Variants in LRP1B observed in about 807,000 individuals in gnomAD.
The protein encoded by LRP1B is low-density lipoprotein receptor-related protein 1B.
A neutral mutation model predicts 556.6 loss-of-function variants in LRP1B; 217 were observed. The ratio of observed to expected loss-of-function variants is 0.39; its 90% CI spans 0.35 to 0.44. LRP1B has a LOEUF of 0.44. Among genes scored for constraint, LRP1B ranks in the 20% least tolerant of loss-of-function variants. The pLI is 1.00. For synonymous variants in LRP1B, 2,047 were observed against 1,865.8 expected (o/e 1.10, Z -2.50); for missense variants, 5,053 against 5,620.8 (o/e 0.90, Z 3.23).
chr2:140,805,083 A>T (rs1690664880), intron 32 of LRP1B, among the ~76,000 whole-genome samples: 2 of 152,148 alleles, frequency 1.3e-5, no homozygotes, highest in Non-Finnish European at 2.9e-5. Flanking sequence ...TGTGTGCATA[A>T]CCAGATCAAC....
chr2:141,087,461 G>A (rs1030617612), intron 7 of LRP1B, among the ~76,000 whole-genome samples: 1 of 152,118 alleles, frequency 6.6e-6, no homozygotes, highest in African/African-American at 2.4e-5. Context: ...GCATTTTTAC[G>A]CAGATGGGGG....
intron 32 of LRP1B, among the ~76,000 whole-genome samples, chr2:140,778,823 T>C (rs895599717): frequency 6.6e-6 from 1 of 152,034 alleles, no homozygotes; most frequent in Admixed American, 6.6e-5. Context: ...ATCTCCTGAA[T>C]CAGATATGAA....
At chr2:142,109,985 G>A (rs891369808) in intron 1 of LRP1B, among the ~76,000 whole-genome samples, 1 of 152,116 alleles carries the variant, frequency 6.6e-6, no homozygotes, top group Admixed American at 6.6e-5. Context: ...AAGCTGTATA[G>A]AATGATATGT....
chr2:141,131,353 G>C (rs192486170), intron 7 of LRP1B, among the ~76,000 whole-genome samples: 2,090 of 145,426 alleles, frequency 0.014, 20 homozygotes, highest in Middle Eastern at 0.052. Context: ...AGTAAGGTTT[G>C]AGAATACAAA....
chr2:141,936,092 T>G (rs1700628412), intron 1 of LRP1B, among the ~76,000 whole-genome samples: 1 of 152,186 alleles, frequency 6.6e-6, no homozygotes, highest in Admixed American at 6.5e-5. Context: ...TAAAATTACC[T>G]ACAAGAAACT....
intron 37 of LRP1B, among the ~76,000 whole-genome samples, chr2:140,715,123 AAG>A (rs1180185092): frequency 3.9e-5 from 6 of 152,070 alleles, no homozygotes; most frequent in Admixed American, 6.6e-5. Context: ...TGAAAGGAAA[AAG>A]AGAGTAACAG....
chr2:140,715,261 A>T (rs1687167695), intron 37 of LRP1B, among the ~76,000 whole-genome samples: 1 of 152,074 alleles, frequency 6.6e-6, no homozygotes, highest in African/African-American at 2.4e-5. Flanking sequence ...ATATTAAAAA[A>T]AAATCACTCT....
At chr2:141,492,091 A>AAAAAAAAAAAAAAAAAAAAAAAC (rs67960557) in intron 2 of LRP1B, among the ~76,000 whole-genome samples, 2 of 100,194 alleles carry the variant, frequency 2.0e-5, no homozygotes, top group African/African-American at 3.9e-5. Flanking sequence ...AAAAAAAAAA[A>AAAAAAAAAAAAAAAAAAAAAAAC]CACTAAGAAA....
At chr2:141,470,817 A>G (rs1185831067) in intron 3 of LRP1B, among the ~76,000 whole-genome samples, 2 of 152,248 alleles carry the variant, frequency 1.3e-5, no homozygotes, top group African/African-American at 4.8e-5. Context: ...GAATAATATT[A>G]AAACAATGAT....
At chr2:141,535,309 T>C (rs1426979861) in intron 2 of LRP1B, among the ~76,000 whole-genome samples, 4 of 152,148 alleles carry the variant, frequency 2.6e-5, no homozygotes, top group Non-Finnish European at 5.9e-5. Context: ...TTCAACTTTT[T>C]ATGCACGTAA....
intron 3 of LRP1B, among the ~76,000 whole-genome samples, chr2:141,438,143 C>T (rs1680830573): frequency 6.6e-6 from 1 of 152,114 alleles, no homozygotes; most frequent in African/African-American, 2.4e-5. Context: ...TCTTTTCCTG[C>T]ATAGGATAAC....
intron 71 of LRP1B, among the ~76,000 whole-genome samples, chr2:140,366,250 C>T (rs1032046991): frequency 1.3e-5 from 2 of 151,756 alleles, no homozygotes; most frequent in East Asian, 3.9e-4. Flanking sequence ...AGGAAAACTC[C>T]TCAGGACCTG....
chr2:140,360,783 T>C (rs1682467425), intron 72 of LRP1B, among the ~76,000 whole-genome samples: 2 of 151,590 alleles, frequency 1.3e-5, no homozygotes, highest in Admixed American at 1.3e-4. Flanking sequence ...TTGTTTACAT[T>C]GGTGAATTTC....
intron 7 of LRP1B, among the ~76,000 whole-genome samples, chr2:141,096,828 A>C (rs1700335950): frequency 6.6e-6 from 1 of 152,202 alleles, no homozygotes; most frequent in South Asian, 2.1e-4. Flanking sequence ...CTTATGAAAT[A>C]AGACCTGTAA....
intron 1 of LRP1B, among the ~76,000 whole-genome samples, chr2:141,839,124 A>G (rs1697381535): frequency 6.6e-6 from 1 of 152,178 alleles, no homozygotes; most frequent in Non-Finnish European, 1.5e-5. Flanking sequence ...TGTTCTTCTT[A>G]CTGGATTTAA....
chr2:140,443,164 G>A (rs968272232), intron 65 of LRP1B, among the ~76,000 whole-genome samples: 3 of 152,088 alleles, frequency 2.0e-5, no homozygotes, highest in Non-Finnish European at 2.9e-5. Flanking sequence ...AGAATCAAGT[G>A]ATTCTCCTGC....
chr2:140,349,831 G>T (rs1417479539), intron 77 of LRP1B, among the ~76,000 whole-genome samples: 1 of 152,092 alleles, frequency 6.6e-6, no homozygotes, highest in Non-Finnish European at 1.5e-5. Context: ...TTACTCAAAG[G>T]TTTCATCTAA....
intron 1 of LRP1B, among the ~76,000 whole-genome samples, chr2:142,006,773 G>A (rs1055820222): frequency 8.5e-5 from 13 of 152,122 alleles, no homozygotes; most frequent in South Asian, 8.3e-4. Flanking sequence ...TTATATACTG[G>A]TTTGCTTTCC....
intron 46 of LRP1B, 149 bp from the exon 47 acceptor site, chr2:140,534,289 G>A (rs897124820): frequency 2.7e-6 from 2 of 734,520 alleles, no homozygotes; most frequent in African/African-American, 3.6e-5. Flanking sequence ...GGATTAGAAT[G>A]TTTATGTGTT....
Sources: allele counts gnomAD v4.1 joint callset (sites outside exome capture counted in the v4.1 genomes callset), GRCh38; gene constraint gnomAD v4.1.1; transcripts MANE v1.5; gene names NCBI Gene and HGNC (gene_info 2026-07-23, HGNC 2026-07-21).